Variants in ACTR3C observed in about 807,000 individuals in gnomAD.
ACTR3C encodes the protein actin-related protein 3C.
ACTR3C carries 18 observed loss-of-function variants against 26.3 expected under a neutral mutation model. The ratio of observed to expected loss-of-function variants is 0.68; its 90% CI spans 0.47 to 1.01. The LOEUF is 1.01. ACTR3C is among the 50% of genes least tolerant of loss of function. ACTR3C has a pLI of 0.00. For missense variants in ACTR3C, 184 were observed against 250.7 expected, an observed-to-expected ratio of 0.73 and a Z score of 1.80; for synonymous variants, 55 against 94.5, an observed-to-expected ratio of 0.58 and a Z score of 2.42.
At chr7:150,063,250 C>CT in the ACTR3C span, among the ~76,000 whole-genome samples, 5 of 149,876 alleles carry the variant, frequency 3.3e-5, no homozygotes, top group African/African-American at 1.2e-4. Context: ...AAAAACAACT[C>CT]TATAAATATT....
In ACTR3C at chr7:150,323,498, G is replaced by C. The variant is rs1302878808; in HGVS notation, c.-81C>G. On this transcript the variant is annotated 5_prime_UTR_variant, in exon 1 of 8. Coordinates refer to ENST00000683684, the MANE Select transcript of ACTR3C (RefSeq NM_001164458.2). ...CGAGGAGGCGCCGGCTCTGCGGTGC[G>C]GAGTTGCGCCGGACTTCCCAGCTTG... The C allele has an allele frequency of 2.3e-6, 1 of 428,708 alleles. No homozygotes were observed. Among genetic ancestry groups the C allele is most frequent in the Admixed American group, 2.6e-5 (1 of 38,852 alleles). 26.6% of individuals were successfully genotyped at this position (428,708 alleles called of 1,614,324 possible).
At chr7:150,231,452 C>T in the ACTR3C span, among the ~76,000 whole-genome samples, 9,012 of 151,450 alleles carry the variant, frequency 0.06, 488 homozygotes, top group African/African-American at 0.14. Flanking sequence ...TCTTGCCTTC[C>T]CTCTCACCAC....
the ACTR3C span, among the ~76,000 whole-genome samples, chr7:150,127,584 A>G: frequency 0.18 from 27,199 of 151,176 alleles, 2,708 homozygotes; most frequent in Non-Finnish European, 0.23. Flanking sequence ...AAAAGCCAAG[A>G]AGAGTGAGCC....
chr7:150,069,938 A>C, the ACTR3C span, among the ~76,000 whole-genome samples: 1 of 152,120 alleles, frequency 6.6e-6, no homozygotes, highest in Non-Finnish European at 1.5e-5. Context: ...CACATGCTGA[A>C]TCTCCCAGCA....
At chr7:150,117,290 C>T in the ACTR3C span, among the ~76,000 whole-genome samples, 4 of 152,264 alleles carry the variant, frequency 2.6e-5, no homozygotes, top group African/African-American at 7.2e-5. Flanking sequence ...TCTTGCTCAG[C>T]GGAGCCCATC....
the ACTR3C span, among the ~76,000 whole-genome samples, chr7:150,178,306 G>C: frequency 7.1e-6 from 1 of 141,582 alleles, no homozygotes; most frequent in Non-Finnish European, 1.5e-5. Context: ...TTTTGAGACA[G>C]AGTTTCGCTC....
chr7:150,014,380 C>A, the ACTR3C span, among the ~76,000 whole-genome samples: 1 of 151,134 alleles, frequency 6.6e-6, no homozygotes, highest in Admixed American at 6.6e-5. Context: ...GGTGTGAACC[C>A]GGAAGACAGA....
the ACTR3C span, among the ~76,000 whole-genome samples, chr7:150,133,041 T>C: frequency 9.9e-5 from 15 of 152,250 alleles, no homozygotes; most frequent in East Asian, 2.1e-3. Flanking sequence ...TCCTAAACTC[T>C]AGCAACCCTA....
the ACTR3C span, among the ~76,000 whole-genome samples, chr7:150,158,791 TAC>T: frequency 1.8e-3 from 277 of 151,864 alleles, no homozygotes; most frequent in Middle Eastern, 3.4e-3. Context: ...TCATCACACA[TAC>T]ACACACACAC....
At chr7:150,154,937 A>C in the ACTR3C span, among the ~76,000 whole-genome samples, 2 of 152,216 alleles carry the variant, frequency 1.3e-5, no homozygotes, top group African/African-American at 2.4e-5. Context: ...AGATGTGGAA[A>C]TAGGTATCAT....
At chr7:150,163,368 A>G in the ACTR3C span, among the ~76,000 whole-genome samples, 34,288 of 149,310 alleles carry the variant, frequency 0.23, 4,378 homozygotes, top group African/African-American at 0.35. Flanking sequence ...GTGTGTGTAT[A>G]TATATATATG....
At chr7:150,067,832 C>T in the ACTR3C span, among the ~76,000 whole-genome samples, 8 of 148,232 alleles carry the variant, frequency 5.4e-5, no homozygotes, top group Non-Finnish European at 1.2e-4. Flanking sequence ...GGGGAGGGTG[C>T]GGACACATTT....
At chr7:150,232,439 A>C in the ACTR3C span, among the ~76,000 whole-genome samples, 2 of 151,608 alleles carry the variant, frequency 1.3e-5, no homozygotes, top group African/African-American at 4.9e-5. Flanking sequence ...TTTATTTTTT[A>C]CTTTTCCTAC....
chr7:150,321,727 G>A (rs1797533642), intron 1 of ACTR3C, among the ~76,000 whole-genome samples: 1 of 152,170 alleles, frequency 6.6e-6, no homozygotes, highest in Admixed American at 6.5e-5. Flanking sequence ...GCAAGAGAGT[G>A]AGACTCCATC....
At chr7:150,177,184 C>G in the ACTR3C span, among the ~76,000 whole-genome samples, 1 of 150,538 alleles carries the variant, frequency 6.6e-6, no homozygotes, top group Non-Finnish European at 1.5e-5. Flanking sequence ...AAGTTAGTTA[C>G]TGAAATTATT....
At chr7:149,957,508 T>G in the ACTR3C span, among the ~76,000 whole-genome samples, 1 of 148,642 alleles carries the variant, frequency 6.7e-6, no homozygotes, top group Non-Finnish European at 1.5e-5. Context: ...TAGGGTACCC[T>G]TCTTCTCTTG....
chr7:149,915,938 A>G, the ACTR3C span, among the ~76,000 whole-genome samples: 1 of 151,248 alleles, frequency 6.6e-6, no homozygotes, highest in South Asian at 2.1e-4. Flanking sequence ...ATTCTATACA[A>G]CCATCAAAAA....
chr7:150,217,127 G>C, the ACTR3C span, among the ~76,000 whole-genome samples: 2 of 146,740 alleles, frequency 1.4e-5, no homozygotes, highest in South Asian at 4.2e-4. Context: ...TTGTGTGGCA[G>C]GTCCTGCTGC....
chr7:150,034,389 C>T, the ACTR3C span, among the ~76,000 whole-genome samples: 2 of 151,494 alleles, frequency 1.3e-5, no homozygotes, highest in Non-Finnish European at 3.0e-5. Context: ...ATCGGGTAGC[C>T]CCAGGGCTGG....
Sources: allele counts gnomAD v4.1 joint callset (sites outside exome capture counted in the v4.1 genomes callset), GRCh38; gene constraint gnomAD v4.1.1; transcripts MANE v1.5; gene names NCBI Gene and HGNC (gene_info 2026-07-23, HGNC 2026-07-21).